CELF2: variants seen among roughly 807,000 people sequenced by gnomAD.
CELF2 encodes the protein CUG triplet repeat RNA-binding protein 2.
Under a neutral mutation model 62.6 loss-of-function variants are expected in CELF2, and 8 were observed. The ratio of observed to expected loss-of-function variants is 0.13; its 90% CI spans 0.07 to 0.23. CELF2 has a LOEUF of 0.23. Among genes scored for constraint, CELF2 ranks in the 10% least tolerant of loss-of-function variants. CELF2 has a pLI of 1.00. For synonymous variants in CELF2, 258 were observed against 250.0 expected (o/e 1.03, Z -0.30); for missense variants, 333 against 671.0 (o/e 0.50, Z 5.56).
At chr10:11,188,921 T>C (rs1229487424) in intron 2 of CELF2, among the ~76,000 whole-genome samples, 2 of 152,252 alleles carry the variant, frequency 1.3e-5, no homozygotes, top group Non-Finnish European at 2.9e-5. Flanking sequence ...TCCAGTGTTT[T>C]CTTCATCTCA....
chr10:10,876,690 A>G (rs540121981), intron 1 of CELF2, among the ~76,000 whole-genome samples: 13 of 151,952 alleles, frequency 8.6e-5, no homozygotes, highest in African/African-American at 2.4e-4. Context: ...TGGTTTTCCT[A>G]CTCTCCAGAA....
chr10:10,733,619 G>A, the CELF2 span, among the ~76,000 whole-genome samples: 1 of 151,894 alleles, frequency 6.6e-6, no homozygotes, highest in Non-Finnish European at 1.5e-5. Context: ...GCTTGGGGGG[G>A]CCTCACAATC....
At chr10:10,662,421 T>C in the CELF2 span, among the ~76,000 whole-genome samples, 2 of 152,180 alleles carry the variant, frequency 1.3e-5, no homozygotes, top group African/African-American at 4.8e-5. Flanking sequence ...AACGTCTGCC[T>C]GGTGACTTTG....
At chr10:10,616,295 GGT>G in the CELF2 span, among the ~76,000 whole-genome samples, 5,707 of 143,482 alleles carry the variant, frequency 0.04, 119 homozygotes, top group South Asian at 0.078. Flanking sequence ...TTTTGTTTGG[GGT>G]GTGTGTGTGT....
chr10:10,483,321 A>G, the CELF2 span, among the ~76,000 whole-genome samples: 3 of 152,052 alleles, frequency 2.0e-5, no homozygotes, highest in Non-Finnish European at 2.9e-5. Flanking sequence ...CCAAATATCT[A>G]TGTCCTCATT....
intron 1 of CELF2, among the ~76,000 whole-genome samples, chr10:11,025,235 G>GTATATATATATATATATA (rs1353413938): frequency 2.4e-5 from 1 of 41,076 alleles, no homozygotes; most frequent in African/African-American, 4.0e-5. Context: ...GTGTGTGTGT[G>GTATATATATATATATATA]TGTGTATATG....
chr10:10,568,435 C>T, the CELF2 span, among the ~76,000 whole-genome samples: 3 of 152,204 alleles, frequency 2.0e-5, no homozygotes, highest in African/African-American at 7.2e-5. Context: ...GGTTGCTTAT[C>T]ACCTATGGCT....
the CELF2 span, among the ~76,000 whole-genome samples, chr10:10,779,653 A>G: frequency 2.0e-5 from 3 of 152,088 alleles, no homozygotes; most frequent in Non-Finnish European, 4.4e-5. Flanking sequence ...ATCTGAGGAG[A>G]TATTATTTTA....
At chr10:10,685,556 A>T in the CELF2 span, among the ~76,000 whole-genome samples, 1 of 152,348 alleles carries the variant, frequency 6.6e-6, no homozygotes, top group African/African-American at 2.4e-5. Context: ...TAGATTGCAA[A>T]GTCCATACAC....
Position 11,300,026 on chromosome 10 carries a change from C to T in CELF2, c.976+11474C>T, listed in dbSNP as rs2093573714. On this transcript the variant is annotated intron_variant, in intron 9 of 12. Transcript: ENST00000633077. This position sits in a 1 kb window ranked among gnomAD's most constrained non-coding sequence, Gnocchi z 5.5. ...GGACTCTTCCAAACTCATGGCCCCA[C>T]ACTGCCTTTATGAGTGCCCGTCTTC... 6.6e-6 allele frequency among the ~76,000 whole-genome samples: 1 copy of T among 152,232 alleles called. No individual in the cohort carries two copies. Among genetic ancestry groups the T allele is most frequent in the South Asian group, 2.1e-4 (1 of 4,832 alleles).
chr10:11,329,144 A>C lies in CELF2; in HGVS notation c.*91A>C, dbSNP rs962563641. The C allele has an allele frequency of 2.2e-6, 3 of 1,352,002 alleles. No individual in the cohort carries two copies. The highest frequency in any genetic ancestry group is 1.5e-5 in the African/African-American group (1 of 67,568). The allele number at this position is 1,352,002 out of a possible 1,614,324, so 83.8% of individuals were successfully genotyped here. A position where few individuals can be genotyped will look rare whatever the true frequency, so the allele number is the denominator to read the frequency against. On this transcript the variant is annotated 3_prime_UTR_variant, in exon 13 of 13. Transcript: ENST00000633077. The surrounding 1 kb of genome is among the most constrained non-coding windows in gnomAD (Gnocchi z 5.5). Reference sequence around the variant, plus strand: ...GTCTCAACAGGGAAGGCAGAGGAGGACCACATTGCCAACTTTTACCAAGAG... The same window carrying C: ...GTCTCAACAGGGAAGGCAGAGGAGGCCCACATTGCCAACTTTTACCAAGAG...
chr10:11,313,990 C>T (rs1253103840), intron 9 of CELF2, 149 bp from the exon 10 acceptor site: 3 of 793,898 alleles, frequency 3.8e-6, no homozygotes, highest in Non-Finnish European at 6.1e-6. Context: ...TCAAAATTGC[C>T]ACAAGTACAA....
At chr10:11,281,772 AATTG>A (rs2088898122) in intron 8 of CELF2, among the ~76,000 whole-genome samples, 1 of 152,156 alleles carries the variant, frequency 6.6e-6, no homozygotes, top group African/African-American at 2.4e-5. Flanking sequence ...TTAATTGCCA[AATTG>A]ATTGAGAGAG....
At chr10:10,811,601 G>A (rs1033590987) in intron 1 of CELF2, among the ~76,000 whole-genome samples, 2 of 152,130 alleles carry the variant, frequency 1.3e-5, no homozygotes, top group Non-Finnish European at 2.9e-5. Flanking sequence ...ATGGAGGAAG[G>A]GATCACCATT....
intron 1 of CELF2, among the ~76,000 whole-genome samples, chr10:11,146,955 T>A: frequency 6.6e-6 from 1 of 152,240 alleles, no homozygotes; most frequent in East Asian, 1.9e-4. Flanking sequence ...TGGAGCTGAT[T>A]TGGTCAATCT....
At chr10:11,259,652 G>C (rs547528383) in intron 5 of CELF2, among the ~76,000 whole-genome samples, 1 of 152,108 alleles carries the variant, frequency 6.6e-6, no homozygotes, top group Non-Finnish European at 1.5e-5. Context: ...CATCGCTGTG[G>C]CAGACTGCAC....
In CELF2 at chr10:11,203,786, T is replaced by C. The variant is rs17149796; in HGVS notation, c.272-13639T>C. 7.5e-3 allele frequency among the ~76,000 whole-genome samples: 1,139 copies of C among 152,332 alleles called. 14 individuals carry two copies. Among genetic ancestry groups the C allele is most frequent in the African/African-American group, 0.026 (1,076 of 41,576 alleles). ...TCCCCATTTTGGGGGTCATCCTTCT[T>C]CTTTTAGGACATCCCCTCTTGCCCC... On this transcript the variant is annotated intron_variant, in intron 2 of 12. Coordinates refer to ENST00000633077, the MANE Select transcript of CELF2 (RefSeq NM_001326342.2).
At chr10:11,310,371 G>C (rs565184892) in intron 9 of CELF2, among the ~76,000 whole-genome samples, 4 of 152,318 alleles carry the variant, frequency 2.6e-5, no homozygotes, top group African/African-American at 9.6e-5. Context: ...ATTTGTACCA[G>C]GGAAGGGAGC....
chr10:11,219,463 A>G (rs2064183692), intron 3 of CELF2, among the ~76,000 whole-genome samples: 1 of 152,218 alleles, frequency 6.6e-6, no homozygotes, highest in African/African-American at 2.4e-5. Flanking sequence ...GGAGCTGGAA[A>G]AGTTGGTCGG....
Sources: allele counts gnomAD v4.1 joint callset (sites outside exome capture counted in the v4.1 genomes callset), GRCh38; gene constraint gnomAD v4.1.1; non-coding constraint Gnocchi (gnomAD v3.1); transcripts MANE v1.5; gene names NCBI Gene and HGNC (gene_info 2026-07-23, HGNC 2026-07-21).